PLXDC1: variants seen among roughly 807,000 people sequenced by gnomAD.
The protein encoded by PLXDC1 is plexin domain containing 1.
PLXDC1 carries 39 observed loss-of-function variants against 61.3 expected under a neutral mutation model. That is an observed-to-expected ratio of 0.64 (90% CI 0.49 to 0.83). The LOEUF is 0.83. PLXDC1 is among the 40% of genes least tolerant of loss of function. The probability of loss-of-function intolerance (pLI) is 0.00; values close to 1 mark genes in which losing one functional copy is unlikely to be tolerated. For missense variants in PLXDC1, 596 were observed against 666.5 expected, an observed-to-expected ratio of 0.89 and a Z score of 1.17; for synonymous variants, 212 against 254.5, an observed-to-expected ratio of 0.83 and a Z score of 1.59.
At chr17:39,134,350 G>A (rs982441444) in intron 2 of PLXDC1, among the ~76,000 whole-genome samples, 1 of 152,070 alleles carries the variant, frequency 6.6e-6, no homozygotes, top group Non-Finnish European at 1.5e-5. Context: ...CATTGGCGGG[G>A]TGTGGTGGCT....
chr17:39,120,658 C>T (rs1455745176), intron 2 of PLXDC1, among the ~76,000 whole-genome samples: 1 of 140,514 alleles, frequency 7.1e-6, no homozygotes, highest in East Asian at 2.1e-4. Context: ...GATCATGGCT[C>T]ACTGCAGCCT....
At chr17:39,143,376 G>C (rs1911996211) in intron 1 of PLXDC1, among the ~76,000 whole-genome samples, 1 of 152,134 alleles carries the variant, frequency 6.6e-6, no homozygotes, top group Admixed American at 6.5e-5. Flanking sequence ...CCACTCCCCA[G>C]AGCTCCTGGA....
intron 2 of PLXDC1, among the ~76,000 whole-genome samples, chr17:39,128,088 T>TATGTGTGTGTATATATATATATA (rs1213213801): frequency 2.9e-5 from 3 of 104,674 alleles, no homozygotes; most frequent in Non-Finnish European, 5.8e-5. Context: ...TCTCTCTCTC[T>TATGTGTGTGTATATATATATATA]CTCTATGTGT....
chr17:39,091,046 C>T (rs978717665), intron 7 of PLXDC1, among the ~76,000 whole-genome samples: 1 of 152,224 alleles, frequency 6.6e-6, no homozygotes, highest in Admixed American at 6.5e-5. Context: ...TCCTGCAGGC[C>T]TCTCCTCTCT....
At chr17:39,128,171 A>G (rs1224297477) in intron 2 of PLXDC1, among the ~76,000 whole-genome samples, 2 of 118,478 alleles carry the variant, frequency 1.7e-5, no homozygotes, top group African/African-American at 3.0e-5. Flanking sequence ...ATGTATATAT[A>G]TGTATATATA....
chr17:39,107,397 G>A lies in PLXDC1; in HGVS notation c.711+10C>T, dbSNP rs765729552. Reference sequence around the variant, plus strand: ...AAGACCCAGCTGTCTCTGCAGCTGGGCCCACTCACCTCTTTATAGGCAAAG... The same window carrying A: ...AAGACCCAGCTGTCTCTGCAGCTGGACCCACTCACCTCTTTATAGGCAAAG... On this transcript the variant is annotated intron_variant, in intron 6 of 13. Coordinates refer to ENST00000315392, the MANE Select transcript of PLXDC1 (RefSeq NM_020405.5). 2 of 1,519,654 alleles carry A rather than the reference G, an allele frequency of 1.3e-6. No homozygotes were observed. The highest frequency in any genetic ancestry group is 1.8e-6 in the Non-Finnish European group (2 of 1,105,504). The allele number at this position is 1,519,654 out of a possible 1,614,324, so 94.1% of individuals were successfully genotyped here.
chr17:39,100,618 G>A (rs1374489523), intron 7 of PLXDC1, among the ~76,000 whole-genome samples: 2 of 152,222 alleles, frequency 1.3e-5, no homozygotes, highest in Non-Finnish European at 2.9e-5. Context: ...GCTGAATTGT[G>A]CTTTGCTTCC....
chr17:39,106,058 T>C, intron 6 of PLXDC1, 105 bp from the exon 7 acceptor site: 2 of 702,790 alleles, frequency 2.8e-6, no homozygotes, highest in South Asian at 1.8e-5. Flanking sequence ...CACCACCTCC[T>C]GGAGGACTCC....
chr17:39,095,821 C>A (rs549976542), intron 7 of PLXDC1, among the ~76,000 whole-genome samples: 88 of 152,242 alleles, frequency 5.8e-4, no homozygotes, highest in Non-Finnish European at 7.4e-4. Flanking sequence ...CCTGCCACCA[C>A]ACCTGGCTGA....
intron 7 of PLXDC1, among the ~76,000 whole-genome samples, chr17:39,095,300 C>G (rs1910111699): frequency 6.7e-6 from 1 of 149,388 alleles, no homozygotes; most frequent in Non-Finnish European, 1.5e-5. Context: ...CAACTGCCAG[C>G]TTGTACTTGT....
chr17:39,099,824 G>A (rs1263938173), intron 7 of PLXDC1, among the ~76,000 whole-genome samples: 1 of 152,146 alleles, frequency 6.6e-6, no homozygotes, highest in Admixed American at 6.5e-5. Context: ...ATTATAATCA[G>A]TGTGGTAGGC....
chr17:39,122,168 C>T (rs963635910), intron 2 of PLXDC1, among the ~76,000 whole-genome samples: 12 of 148,148 alleles, frequency 8.1e-5, no homozygotes, highest in African/African-American at 2.7e-4. Context: ...TTTGGGAGGC[C>T]GAGGTAGGCG....
chr17:39,145,635 G>A (rs898821929), intron 1 of PLXDC1, among the ~76,000 whole-genome samples: 1 of 152,184 alleles, frequency 6.6e-6, no homozygotes, highest in Non-Finnish European at 1.5e-5. Flanking sequence ...AGAGAAAGGA[G>A]GCGAGGGGAG....
At chr17:39,147,921 A>G (rs947164035) in intron 1 of PLXDC1, among the ~76,000 whole-genome samples, 3 of 152,190 alleles carry the variant, frequency 2.0e-5, no homozygotes, top group African/African-American at 4.8e-5. Context: ...GGTAAGGGCT[A>G]TGAAGAAAAT....
At chr17:39,112,161 C>T (rs16230) in intron 2 of PLXDC1, 96,157 of 152,044 alleles carry the variant, frequency 0.63, 30,600 homozygotes, top group Admixed American at 0.73. Flanking sequence ...GTCCGATGGC[C>T]GCCTCCCAGC....
intron 7 of PLXDC1, among the ~76,000 whole-genome samples, chr17:39,104,418 C>A (rs1405406268): frequency 6.6e-6 from 1 of 151,966 alleles, no homozygotes; most frequent in East Asian, 1.9e-4. Context: ...AGCCCTGGTC[C>A]TTTCCTTCAG....
rs541082315 is a variant in PLXDC1 at position 39,085,330 on chromosome 17, C to T, written c.908-1790G>A. Among the ~76,000 whole-genome samples, 5 of 152,304 alleles carry T rather than the reference C, an allele frequency of 3.3e-5. No homozygotes were observed. In the South Asian group the frequency reaches 1.0e-3, roughly 32 times the overall value. On this transcript the variant is annotated intron_variant, in intron 8 of 13. Coordinates refer to ENST00000315392, the MANE Select transcript of PLXDC1 (RefSeq NM_020405.5). ...GAGAGTGGATGGAAAGAGCCATGGG[C>T]AGGAAAGAAGCAGGGGCTGCCCTGT...
intron 1 of PLXDC1, among the ~76,000 whole-genome samples, chr17:39,150,125 G>A (rs2144010646): frequency 6.6e-6 from 1 of 152,174 alleles, no homozygotes; most frequent in Middle Eastern, 3.4e-3. Flanking sequence ...GGGACTAGAA[G>A]CCACGTCTCT....
intron 7 of PLXDC1, among the ~76,000 whole-genome samples, chr17:39,092,013 G>T (rs1304387326): frequency 6.6e-6 from 1 of 151,136 alleles, no homozygotes; most frequent in African/African-American, 2.4e-5. Flanking sequence ...TTCATAAGTG[G>T]GGAAACTGAG....
Sources: gnomAD v4.1 joint callset for allele counts (sites outside exome capture counted in the v4.1 genomes callset) on GRCh38, gnomAD v4.1.1 for gene constraint, MANE v1.5 for transcripts, NCBI Gene and HGNC (gene_info 2026-07-23, HGNC 2026-07-21) for gene names.